CYP39A1: variants seen among roughly 807,000 people sequenced by gnomAD.
The protein encoded by CYP39A1 is cytochrome P450 family 39 subfamily A member 1.
CYP39A1 carries 49 observed loss-of-function variants against 58.1 expected under a neutral mutation model. The observed-to-expected ratio is 0.84, with a 90% CI of 0.67 to 1.07. CYP39A1 has a LOEUF of 1.07. Among genes scored for constraint, CYP39A1 ranks in the 50% least tolerant of loss-of-function variants. The pLI is 0.00. For synonymous variants in CYP39A1, 209 were observed against 187.6 expected, an observed-to-expected ratio of 1.11 and a Z score of -0.93; for missense variants, 531 against 539.4, an observed-to-expected ratio of 0.98 and a Z score of 0.16.
chr6:46,638,101 T>A (rs1254261781), intron 3 of CYP39A1, 123 bp from the exon 4 acceptor site: 1 of 989,558 alleles, frequency 1.0e-6, no homozygotes, highest in Non-Finnish European at 1.4e-6. Flanking sequence ...ACAGATTCTC[T>A]TGGGAAAAAG....
chr6:46,604,345 C>T lies in CYP39A1; in HGVS notation c.932-8225G>A, dbSNP rs574071717. Among the ~76,000 whole-genome samples the T allele has an allele frequency of 1.1e-4, 16 of 152,284 alleles. No homozygotes were observed. The South Asian group carries it at 2.1e-3, about 20-fold the overall frequency. On this transcript the variant is annotated intron_variant, in intron 7 of 11. Transcript: ENST00000275016. Reference sequence around the variant, plus strand: ...GGAATATCTTGCCTCTCAGCTATCCCGATTTTTACTCTAGTGCTTTTTCCT... The same window carrying T: ...GGAATATCTTGCCTCTCAGCTATCCTGATTTTTACTCTAGTGCTTTTTCCT...
intron 7 of CYP39A1, 121 bp downstream of exon 7, chr6:46,625,297 A>C: frequency 1.5e-6 from 1 of 654,558 alleles, no homozygotes; most frequent in Non-Finnish European, 2.5e-6. Context: ...ATATATAACA[A>C]ATTATGTTGA....
chr6:46,565,567 T>C (rs921856405), intron 10 of CYP39A1, among the ~76,000 whole-genome samples: 1 of 152,140 alleles, frequency 6.6e-6, no homozygotes, highest in African/African-American at 2.4e-5. Flanking sequence ...GAATCTGGTG[T>C]AGACGTTTAT....
chr6:46,652,259 G>A, intron 1 of CYP39A1, 147 bp downstream of exon 1: 2 of 773,956 alleles, frequency 2.6e-6, no homozygotes, highest in East Asian at 5.6e-5. Context: ...ATTGTTAGTA[G>A]AGGAATTCAG....
chr6:46,638,041 C>T (rs1038541997), intron 3 of CYP39A1, 63 bp from the exon 4 acceptor site: 16 of 1,496,096 alleles, frequency 1.1e-5, no homozygotes, highest in Non-Finnish European at 1.4e-5. Flanking sequence ...GCAAAGGATA[C>T]AAAGCAAGGC....
Position 46,558,995 on chromosome 6 carries a change from A to C in CYP39A1, c.1251-5141T>G, listed in dbSNP as rs78283790. On this transcript the variant is annotated intron_variant, in intron 10 of 11. Coordinates refer to ENST00000275016, the MANE Select transcript of CYP39A1 (RefSeq NM_016593.5). ...TGGTGACAGAGCAAGACTCCATCTCAAAAAAAAAAAAAAAAAAAAGGTGAT... is the reference window on the plus strand; with the variant it reads ...TGGTGACAGAGCAAGACTCCATCTCCAAAAAAAAAAAAAAAAAAAGGTGAT... 8.4e-5 allele frequency among the ~76,000 whole-genome samples: 11 copies of C among 130,386 alleles called. No homozygotes were observed. In the East Asian group the frequency reaches 1.9e-3, roughly 22 times the overall value. The allele number at this position is 130,386 out of a possible 152,430, so 85.5% of individuals were successfully genotyped here. A position where few individuals can be genotyped will look rare whatever the true frequency, so the allele number is the denominator to read the frequency against.
chr6:46,598,858 T>G (rs1248039778), intron 7 of CYP39A1, among the ~76,000 whole-genome samples: 1 of 152,188 alleles, frequency 6.6e-6, no homozygotes, highest in Non-Finnish European at 1.5e-5. Context: ...ACACACAAAC[T>G]TAGAGCAGTG....
intron 7 of CYP39A1, among the ~76,000 whole-genome samples, chr6:46,620,479 G>A (rs1774886790): frequency 6.6e-6 from 1 of 152,138 alleles, no homozygotes; most frequent in Non-Finnish European, 1.5e-5. Flanking sequence ...GGTAACTGTT[G>A]GACAAACAAC....
chr6:46,645,642 T>C (rs764656134), intron 1 of CYP39A1, among the ~76,000 whole-genome samples: 2 of 152,138 alleles, frequency 1.3e-5, no homozygotes, highest in Non-Finnish European at 2.9e-5. Context: ...AATTGTTTTA[T>C]GTATTTTAGT....
Position 46,637,994 on chromosome 6 carries a change from C to G in CYP39A1, c.489-16G>C. Reference sequence around the variant, plus strand: ...AAGGAGATGTCTACAAAGACAGAAACACACAAAAAGTCAGACCCGAAGACC... The same window carrying G: ...AAGGAGATGTCTACAAAGACAGAAAGACACAAAAAGTCAGACCCGAAGACC... On this transcript the variant is annotated splice_polypyrimidine_tract_variant and intron_variant, in intron 3 of 11. Coordinates refer to ENST00000275016, the MANE Select transcript of CYP39A1 (RefSeq NM_016593.5). 1 of 1,582,760 alleles carries G rather than the reference C, an allele frequency of 6.3e-7. No individual in the cohort carries two copies. Among genetic ancestry groups the G allele is most frequent in the Non-Finnish European group, 8.5e-7 (1 of 1,171,298 alleles).
chr6:46,600,040 AC>A (rs1241202382), intron 7 of CYP39A1, among the ~76,000 whole-genome samples: 23 of 152,140 alleles, frequency 1.5e-4, no homozygotes, highest in African/African-American at 5.1e-4. Context: ...ATCTCCTAAA[AC>A]CTTTGCAATT....
intron 10 of CYP39A1, among the ~76,000 whole-genome samples, chr6:46,554,811 T>A (rs993799193): frequency 2.0e-5 from 3 of 152,058 alleles, no homozygotes; most frequent in African/African-American, 7.2e-5. Context: ...ACCAAGTCCT[T>A]TTTTTATGGT....
chr6:46,621,549 C>A (rs986504990), intron 7 of CYP39A1, among the ~76,000 whole-genome samples: 4 of 152,026 alleles, frequency 2.6e-5, no homozygotes, highest in Non-Finnish European at 5.9e-5. Context: ...TTTATACCAA[C>A]AAATTAGATA....
chr6:46,608,309 G>A (rs1197553898), intron 7 of CYP39A1, among the ~76,000 whole-genome samples: 3 of 152,040 alleles, frequency 2.0e-5, no homozygotes, highest in African/African-American at 7.2e-5. Context: ...CAGATTTCTG[G>A]CTTATTTTCT....
intron 10 of CYP39A1, among the ~76,000 whole-genome samples, chr6:46,580,259 T>C (rs927699706): frequency 1.3e-5 from 2 of 152,262 alleles, no homozygotes; most frequent in Admixed American, 6.5e-5. Context: ...GGGGAAAAGA[T>C]ACCCTGTTCA....
intron 10 of CYP39A1, among the ~76,000 whole-genome samples, chr6:46,558,517 C>T (rs1049952738): frequency 2.0e-5 from 3 of 152,116 alleles, no homozygotes; most frequent in African/African-American, 7.2e-5. Context: ...CTACCAGGCC[C>T]CTCCTCCTCC....
In CYP39A1 at chr6:46,595,972, C is replaced by A; in HGVS notation, c.1065+15G>T. The A allele has an allele frequency of 6.2e-7, 1 of 1,601,718 alleles. No homozygotes were observed. Among genetic ancestry groups the A allele is most frequent in the South Asian group, 1.1e-5 (1 of 87,160 alleles). ...TGTAGAAGGTTGATTCATTTAAAACCAAACCAAAGCTTACCAAAATTTCCA... is the reference window on the plus strand; with the variant it reads ...TGTAGAAGGTTGATTCATTTAAAACAAAACCAAAGCTTACCAAAATTTCCA... On this transcript the variant is annotated intron_variant, in intron 8 of 11. Coordinates refer to ENST00000275016, the MANE Select transcript of CYP39A1 (RefSeq NM_016593.5).
intron 7 of CYP39A1, among the ~76,000 whole-genome samples, chr6:46,619,980 C>A (rs1774856834): frequency 6.6e-6 from 1 of 152,012 alleles, no homozygotes; most frequent in African/African-American, 2.4e-5. Flanking sequence ...AATAGCAGAG[C>A]AAGGATCTCC....
intron 5 of CYP39A1, among the ~76,000 whole-genome samples, chr6:46,633,714 G>A (rs559908163): frequency 2.0e-4 from 30 of 152,062 alleles, no homozygotes; most frequent in Non-Finnish European, 3.1e-4. Context: ...AAAAATAGCC[G>A]GGTGTGGTGG....
Sources: allele counts gnomAD v4.1 joint callset (sites outside exome capture counted in the v4.1 genomes callset), GRCh38; gene constraint gnomAD v4.1.1; transcripts MANE v1.5; gene names NCBI Gene and HGNC (gene_info 2026-07-23, HGNC 2026-07-21).